ADD3: variants seen among roughly 807,000 people sequenced by gnomAD.
ADD3 encodes gamma-adducin.
A neutral mutation model predicts 80.2 loss-of-function variants in ADD3; 25 were observed. The observed-to-expected ratio is 0.31, with a 90% CI of 0.23 to 0.44. The LOEUF (loss-of-function observed/expected upper bound fraction) is 0.44. ADD3 is among the 20% of genes least tolerant of loss of function. The probability of loss-of-function intolerance (pLI) is 1.00; values close to 1 mark genes in which losing one functional copy is unlikely to be tolerated. For missense variants in ADD3, 829 were observed against 847.5 expected, an observed-to-expected ratio of 0.98 and a Z score of 0.27; for synonymous variants, 284 against 289.6, an observed-to-expected ratio of 0.98 and a Z score of 0.20.
intron 1 of ADD3, among the ~76,000 whole-genome samples, chr10:110,059,079 G>C (rs1288056275): frequency 6.6e-6 from 1 of 152,124 alleles, no homozygotes; most frequent in Non-Finnish European, 1.5e-5. Flanking sequence ...TGCCTTGTCT[G>C]TTAGCTGACA....
intron 1 of ADD3, among the ~76,000 whole-genome samples, chr10:110,057,233 G>A (rs1468684349): frequency 6.6e-6 from 1 of 152,082 alleles, no homozygotes; most frequent in African/African-American, 2.4e-5. Context: ...TCTCTGCATT[G>A]AATATATTAT....
intron 1 of ADD3, among the ~76,000 whole-genome samples, chr10:110,052,577 A>G (rs1857644167): frequency 6.6e-6 from 1 of 152,212 alleles, no homozygotes; most frequent in Non-Finnish European, 1.5e-5. Context: ...CAGTCTGTGG[A>G]AAAATTGTCT....
rs1182756756 is a variant in ADD3, at chr10:110,087,508, TG to T, written c.-29-13116del. ...ATCTTCAGTTTTACAAAGAAATTTT[TG>T]TTCATCTGATGTGACAAGAATGTTC... On this transcript the variant is annotated intron_variant, in intron 1 of 14. Coordinates refer to ENST00000356080, the MANE Select transcript of ADD3 (RefSeq NM_016824.5). Among the ~76,000 whole-genome samples, 6 of 152,364 alleles carry T rather than the reference TG, an allele frequency of 3.9e-5. No individual in the cohort carries two copies. In the East Asian group the frequency reaches 9.6e-4, roughly 24 times the overall value.
chr10:110,021,616 A>C (rs1390685553), intron 1 of ADD3, among the ~76,000 whole-genome samples: 1 of 152,216 alleles, frequency 6.6e-6, no homozygotes, highest in Non-Finnish European at 1.5e-5. Context: ...ACACAAGGCC[A>C]CATATTATAT....
upstream of ADD3, among the ~76,000 whole-genome samples, chr10:110,007,605 C>T (rs1462467143): frequency 6.6e-6 from 1 of 152,210 alleles, no homozygotes; most frequent in Non-Finnish European, 1.5e-5. Context: ...ATTCGAGCTG[C>T]ACAGTCAGAA....
rs1289870819 is a variant in ADD3 at position 110,135,254 on chromosome 10, GA to G, written c.*1637del. On this transcript the variant is annotated 3_prime_UTR_variant, in exon 15 of 15. Coordinates refer to ENST00000356080, the MANE Select transcript of ADD3 (RefSeq NM_016824.5). ...TCAGTTGCTTAACTCTCTATTGGAA[GA>G]TTTTTTTAATGTTCTACATCATTTA... is the stretch of plus-strand genomic sequence containing the variant. 1 of 152,508 alleles carries G rather than the reference GA, an allele frequency of 6.6e-6. No homozygotes were observed. The allele number at this position is 152,508 out of a possible 1,614,324, so 9.4% of individuals were successfully genotyped here.
At chr10:110,113,002 G>T in intron 3 of ADD3, 87 bp downstream of exon 3, 1 of 1,415,018 alleles carries the variant, frequency 7.1e-7, no homozygotes, top group Non-Finnish European at 9.7e-7. Context: ...TTCTGCTCGG[G>T]TTCAGTCCTT....
At chr10:109,997,617 G>A (rs539502082) in intron 1 of ADD3, 14 of 152,258 alleles carry the variant, frequency 9.2e-5, no homozygotes, top group African/African-American at 1.4e-4. Flanking sequence ...GGATTCTTTC[G>A]CTGCTTTTCT....
chr10:110,130,574 G>A, intron 13 of ADD3, 88 bp downstream of exon 13: 1 of 1,445,354 alleles, frequency 6.9e-7, no homozygotes, highest in Non-Finnish European at 9.4e-7. Flanking sequence ...CAGTCAGTGT[G>A]GCCGGGCACA....
chr10:110,078,763 T>A (rs954962734), intron 1 of ADD3, among the ~76,000 whole-genome samples: 10 of 152,042 alleles, frequency 6.6e-5, no homozygotes, highest in African/African-American at 9.6e-5. Context: ...TATTTTCTGT[T>A]ATGTTTCATT....
chr10:110,024,718 A>G (rs2133117486), intron 1 of ADD3, among the ~76,000 whole-genome samples: 1 of 152,366 alleles, frequency 6.6e-6, no homozygotes, highest in South Asian at 2.1e-4. Context: ...AAATCAGTGA[A>G]AAGCACTCAG....
At chr10:110,037,246 T>C (rs1589819738) in intron 1 of ADD3, among the ~76,000 whole-genome samples, 1 of 152,212 alleles carries the variant, frequency 6.6e-6, no homozygotes. Context: ...TTCCTACTGT[T>C]CTTTAATACT....
chr10:110,051,164 A>G (rs565841940), intron 1 of ADD3, among the ~76,000 whole-genome samples: 2 of 152,346 alleles, frequency 1.3e-5, no homozygotes, highest in South Asian at 4.1e-4. Context: ...CTCAAAATGG[A>G]TCAAAAACCT....
chr10:110,032,280 G>A (rs1376345439), intron 1 of ADD3, among the ~76,000 whole-genome samples: 1 of 152,204 alleles, frequency 6.6e-6, no homozygotes, highest in East Asian at 1.9e-4. Context: ...AGAGCTCGGA[G>A]AAATAGTCCA....
intron 1 of ADD3, among the ~76,000 whole-genome samples, chr10:110,055,321 T>C (rs1395750399): frequency 6.6e-6 from 1 of 152,218 alleles, no homozygotes; most frequent in Non-Finnish European, 1.5e-5. Flanking sequence ...TACTTGTTGC[T>C]ATTACCCTTA....
At position 110,068,220 on chromosome 10, in the gene ADD3, G is replaced by A. The variant is rs141549897; in HGVS notation, c.-29-32405G>A. On this transcript the variant is annotated intron_variant, in intron 1 of 14. Transcript: ENST00000356080. ...CTCCTCCTTTTCCCGCTTCCACCGA[G>A]TTTTTGTACTGCTCCTGTCACTTTG... Among the ~76,000 whole-genome samples, 901 of 152,120 alleles carry A rather than the reference G, an allele frequency of 5.9e-3. 7 individuals carry two copies. The highest frequency in any genetic ancestry group is 0.021 in the African/African-American group (865 of 41,480).
chr10:110,061,217 A>G (rs1858845037), intron 1 of ADD3, among the ~76,000 whole-genome samples: 1 of 152,262 alleles, frequency 6.6e-6, no homozygotes, highest in South Asian at 2.1e-4. Flanking sequence ...CAGCAGAGCC[A>G]TAAATGACAG....
rs1253216182 is a variant in ADD3, at chr10:110,116,260, T to G, written c.336T>G (p.Ser112Arg). ...SFSGFSSPPLSLGMVTPINDL... is the reference protein window; with the variant it reads ...SFSGFSSPPLRLGMVTPINDL... ...TCTCCACATTTTTTGCTCTTTTAGG[T>G]CTTGGCATGGTCACACCTATCAATG... The change falls in exon 4 of 15, where the codon AGT (serine) becomes AGG (arginine). Residue 112 changes from serine to arginine, a missense_variant and splice_region_variant. Coordinates refer to ENST00000356080, the MANE Select transcript of ADD3 (RefSeq NM_016824.5). 2 of 1,613,544 alleles carry G rather than the reference T, an allele frequency of 1.2e-6. No homozygotes were observed. Among genetic ancestry groups the G allele is most frequent in the Non-Finnish European group, 1.7e-6 (2 of 1,179,832 alleles).
intron 1 of ADD3, among the ~76,000 whole-genome samples, chr10:110,099,096 TTTTAA>T (rs575156931): frequency 6.6e-6 from 1 of 151,274 alleles, no homozygotes; most frequent in South Asian, 2.1e-4. Flanking sequence ...TTTTTTTTTT[TTTTAA>T]TTTATTTTGT....
Sources: gnomAD v4.1 joint callset for allele counts (sites outside exome capture counted in the v4.1 genomes callset) on GRCh38, gnomAD v4.1.1 for gene constraint, MANE v1.5 for transcripts, NCBI Gene and HGNC (gene_info 2026-07-23, HGNC 2026-07-21) for gene names.